GRID2: variants seen among roughly 807,000 people sequenced by gnomAD.
GRID2 encodes the protein glutamate receptor ionotropic, delta-2.
GRID2 carries 33 observed loss-of-function variants against 114.8 expected under a neutral mutation model. The ratio of observed to expected loss-of-function variants is 0.29; its 90% CI spans 0.22 to 0.38. GRID2 has a LOEUF of 0.38. Ranked by LOEUF, GRID2 falls within the 10% of genes least tolerant of loss-of-function variation. The pLI is 1.00. For synonymous variants in GRID2, 505 were observed against 449.9 expected, an observed-to-expected ratio of 1.12 and a Z score of -1.55; for missense variants, 1,184 against 1,257.7, an observed-to-expected ratio of 0.94 and a Z score of 0.89.
At chr4:92,753,554 T>C (rs1403995458) in intron 2 of GRID2, among the ~76,000 whole-genome samples, 1 of 152,198 alleles carries the variant, frequency 6.6e-6, no homozygotes, top group African/African-American at 2.4e-5. Context: ...AAAACTTGAA[T>C]GTCCTCAGAG....
chr4:92,916,501 G>C (rs937857767), intron 2 of GRID2, among the ~76,000 whole-genome samples: 4 of 151,858 alleles, frequency 2.6e-5, no homozygotes, highest in Admixed American at 1.3e-4. Context: ...CTAATGCTAT[G>C]CCTCCCCCCA....
chr4:93,278,267 T>A (rs1278335196), intron 8 of GRID2, among the ~76,000 whole-genome samples: 11 of 148,462 alleles, frequency 7.4e-5, no homozygotes, highest in Admixed American at 1.3e-4. Flanking sequence ...ATTTTGACTT[T>A]AAAAAAAAAA....
chr4:93,310,181 A>G (rs1262997308), intron 8 of GRID2, among the ~76,000 whole-genome samples: 1 of 152,194 alleles, frequency 6.6e-6, no homozygotes, highest in African/African-American at 2.4e-5. Context: ...AAAGACCTAT[A>G]AGTTTTTGGT....
intron 2 of GRID2, among the ~76,000 whole-genome samples, chr4:92,671,216 G>A (rs1423599966): frequency 5.9e-5 from 9 of 151,580 alleles, no homozygotes; most frequent in Admixed American, 5.3e-4. Context: ...AGCTAAGGGG[G>A]AAGTGCTATC....
chr4:92,962,781 T>G (rs1208824314), intron 2 of GRID2, among the ~76,000 whole-genome samples: 1 of 151,932 alleles, frequency 6.6e-6, no homozygotes, highest in Non-Finnish European at 1.5e-5. Context: ...CTCTCAGAAT[T>G]TTCCACACTG....
intron 8 of GRID2, among the ~76,000 whole-genome samples, chr4:93,326,024 T>C (rs1425226536): frequency 6.6e-6 from 1 of 152,170 alleles, no homozygotes; most frequent in Admixed American, 6.6e-5. Flanking sequence ...TGTTTTTGGA[T>C]GCACAGATGT....
chr4:93,730,476 A>G (rs571953105), intron 14 of GRID2, among the ~76,000 whole-genome samples: 3 of 152,330 alleles, frequency 2.0e-5, no homozygotes, highest in African/African-American at 7.2e-5. Context: ...AAGCCAAAAA[A>G]TAAAAGCGAC....
chr4:92,542,310 A>C (rs148447536), intron 1 of GRID2, among the ~76,000 whole-genome samples: 90 of 152,244 alleles, frequency 5.9e-4, no homozygotes, highest in African/African-American at 2.1e-3. Context: ...AAGAAAAAAA[A>C]AGATTATGAA....
intron 2 of GRID2, among the ~76,000 whole-genome samples, chr4:93,063,374 A>G (rs1043827414): frequency 2.0e-5 from 3 of 151,866 alleles, no homozygotes; most frequent in African/African-American, 7.2e-5. Context: ...CAGAAGATAC[A>G]TACTTTATAA....
chr4:93,299,651 G>A (rs1422097921), intron 8 of GRID2, among the ~76,000 whole-genome samples: 1 of 151,892 alleles, frequency 6.6e-6, no homozygotes, highest in Non-Finnish European at 1.5e-5. Context: ...GTATACATAT[G>A]TAACAAACCT....
chr4:93,703,432 A>G (rs1727687400), intron 14 of GRID2, among the ~76,000 whole-genome samples: 1 of 152,162 alleles, frequency 6.6e-6, no homozygotes, highest in African/African-American at 2.4e-5. Context: ...AGTTATTTTT[A>G]ATGTATAATA....
chr4:93,227,645 A>G lies in GRID2; in HGVS notation c.1125+2870A>G, dbSNP rs532075429. Among the ~76,000 whole-genome samples, 5 of 152,230 alleles carry G rather than the reference A, an allele frequency of 3.3e-5. No individual in the cohort carries two copies. The East Asian group carries it at 9.6e-4, about 29-fold the overall frequency. Reference sequence around the variant, plus strand: ...TCGTTTATTTTTCTCACATCTTATTATGTTATGTACAGGTAAAAGTAGCCA... The same window carrying G: ...TCGTTTATTTTTCTCACATCTTATTGTGTTATGTACAGGTAAAAGTAGCCA... On this transcript the variant is annotated intron_variant, in intron 7 of 15. Coordinates refer to ENST00000282020, the MANE Select transcript of GRID2 (RefSeq NM_001510.4).
intron 2 of GRID2, among the ~76,000 whole-genome samples, chr4:92,978,710 A>G (rs1754014685): frequency 6.6e-6 from 1 of 152,158 alleles, no homozygotes; most frequent in Non-Finnish European, 1.5e-5. Context: ...CTAGTAAAAT[A>G]TTATTTTGTT....
intron 13 of GRID2, among the ~76,000 whole-genome samples, chr4:93,548,375 G>A (rs532041058): frequency 1.3e-5 from 2 of 152,316 alleles, no homozygotes; most frequent in Admixed American, 6.5e-5. Flanking sequence ...GCACCGGACA[G>A]GGAACCATCT....
chr4:92,375,296 C>T (rs539994199), intron 1 of GRID2, among the ~76,000 whole-genome samples: 8 of 152,126 alleles, frequency 5.3e-5, no homozygotes, highest in South Asian at 2.1e-4. Context: ...TTTGCACAAA[C>T]GTTTGTACAA....
chr4:93,395,558 G>T, intron 8 of GRID2, 49 bp from the exon 9 acceptor site: 2 of 812,060 alleles, frequency 2.5e-6, no homozygotes, highest in South Asian at 2.7e-5. Context: ...CAGAGGTGAT[G>T]GGACTGTTCT....
chr4:93,216,854 C>A lies in GRID2; in HGVS notation c.906C>A (p.Asn302Lys), dbSNP rs1350040466. The A allele has an allele frequency of 4.3e-6, 7 of 1,612,986 alleles. No individual in the cohort carries two copies. The highest frequency in any genetic ancestry group is 1.7e-4 in the Middle Eastern group (1 of 6,056). Residue 302 changes from asparagine (N) to lysine (K), a missense_variant, in exon 6 of 16, where the codon AAC (asparagine) becomes AAA (lysine). Coordinates refer to ENST00000282020, the MANE Select transcript of GRID2 (RefSeq NM_001510.4). ...TAAGTCAGCGGTGTTTCCGTGGCAACCATCGAATATCTTCAACATTGTGTG... is the reference window on the plus strand; with the variant it reads ...TAAGTCAGCGGTGTTTCCGTGGCAAACATCGAATATCTTCAACATTGTGTG... Reference protein sequence around the residue: ...QNISQRCFRGNHRISSTLCDP... With the variant: ...QNISQRCFRGKHRISSTLCDP...
At chr4:92,813,944 T>C (rs1740766638) in intron 2 of GRID2, among the ~76,000 whole-genome samples, 1 of 152,160 alleles carries the variant, frequency 6.6e-6, no homozygotes, top group Non-Finnish European at 1.5e-5. Context: ...GCCAGTTCTC[T>C]GTTCCTACTC....
At chr4:93,463,094 A>G (rs1414308228) in intron 11 of GRID2, among the ~76,000 whole-genome samples, 2 of 152,194 alleles carry the variant, frequency 1.3e-5, no homozygotes, top group African/African-American at 4.8e-5. Context: ...ACCAAAATGC[A>G]TTCTGAGTGC....
Sources: allele counts gnomAD v4.1 joint callset (sites outside exome capture counted in the v4.1 genomes callset), GRCh38; gene constraint gnomAD v4.1.1; transcripts MANE v1.5; gene names NCBI Gene and HGNC (gene_info 2026-07-23, HGNC 2026-07-21).